Variants in PSD3 observed in about 807,000 individuals in gnomAD.
The protein encoded by PSD3 is PH and SEC7 domain-containing protein 3.
PSD3 carries 49 observed loss-of-function variants against 105.5 expected under a neutral mutation model. The ratio of observed to expected loss-of-function variants is 0.46; its 90% CI spans 0.37 to 0.59. The LOEUF is 0.59. PSD3 is among the 20% of genes least tolerant of loss of function. The pLI, the probability that PSD3 is intolerant of heterozygous loss-of-function variation, is 0.00. For missense variants in PSD3, 1,561 were observed against 1,263.8 expected, an observed-to-expected ratio of 1.24 and a Z score of -3.57; for synonymous variants, 557 against 457.8, an observed-to-expected ratio of 1.22 and a Z score of -2.77.
rs12155635 is a variant in PSD3 at position 18,747,664 on chromosome 8, T to C, written c.2172+17785A>G. ...GATTATGGCTGGATAGTGACAAGAA[T>C]GAGACTGCCACATGGTAAGGAAGGT... On this transcript the variant is annotated intron_variant, in intron 9 of 15. Coordinates refer to ENST00000327040, the MANE Select transcript of PSD3 (RefSeq NM_015310.4). Among the ~76,000 whole-genome samples, 908 of 152,264 alleles carry C rather than the reference T, an allele frequency of 6.0e-3. 8 individuals carry two copies. Among genetic ancestry groups the C allele is most frequent in the Non-Finnish European group, 6.9e-3 (470 of 68,026 alleles).
At chr8:18,888,854 G>C (rs1818601401) in intron 2 of PSD3, among the ~76,000 whole-genome samples, 1 of 152,186 alleles carries the variant, frequency 6.6e-6, no homozygotes, top group East Asian at 1.9e-4. Context: ...AGAGTGGTAA[G>C]CGCCCTTTTG....
chr8:18,612,604 T>C (rs1805348580), intron 11 of PSD3, among the ~76,000 whole-genome samples: 1 of 152,110 alleles, frequency 6.6e-6, no homozygotes, highest in Non-Finnish European at 1.5e-5. Context: ...TCTCCTGACC[T>C]CGTGATCCGC....
chr8:18,946,463 C>T (rs1822860749), intron 1 of PSD3, among the ~76,000 whole-genome samples: 1 of 152,130 alleles, frequency 6.6e-6, no homozygotes, highest in South Asian at 2.1e-4. Context: ...CACCCATAGT[C>T]CCTACTACTC....
chr8:19,071,834 C>T lies in PSD3; in HGVS notation c.324+12372G>A, dbSNP rs189506738. ...AAGAGATTCTCCTGCCTCACCCTCC[C>T]GAGTATCTGGGATTACAGGCACCTG... On this transcript the variant is annotated intron_variant, in intron 1 of 1. Transcript: ENST00000521475. 2.8e-3 allele frequency among the ~76,000 whole-genome samples: 420 copies of T among 152,172 alleles called. 2 individuals carry two copies. The highest frequency in any genetic ancestry group is 9.1e-3 in the African/African-American group (376 of 41,518).
intron 4 of PSD3, among the ~76,000 whole-genome samples, chr8:18,821,557 T>A (rs756879708): frequency 2.2e-4 from 33 of 151,924 alleles, no homozygotes; most frequent in Non-Finnish European, 4.0e-4. Flanking sequence ...CTAACAAAAC[T>A]GAATAATATT....
chr8:18,907,781 G>A (rs536505530), intron 2 of PSD3, among the ~76,000 whole-genome samples: 1 of 152,258 alleles, frequency 6.6e-6, no homozygotes, highest in African/African-American at 2.4e-5. Context: ...TAACAACCCC[G>A]TGAATACAAC....
rs67190463 is a variant in PSD3, at chr8:18,743,921, T to C, written c.2172+21528A>G. ...AGTGAGATATGGTTGCATCGCTATATTGCACTCCAGCCTGGGTGAAAGTGC... is the reference window on the plus strand; with the variant it reads ...AGTGAGATATGGTTGCATCGCTATACTGCACTCCAGCCTGGGTGAAAGTGC... On this transcript the variant is annotated intron_variant, in intron 9 of 15. Transcript: ENST00000327040. 3.6e-4 allele frequency among the ~76,000 whole-genome samples: 54 copies of C among 151,138 alleles called. 1 individual carries two copies. Among genetic ancestry groups the C allele is most frequent in the African/African-American group, 1.2e-3 (49 of 40,984 alleles).
At chr8:18,667,466 T>A (rs1230039531) in intron 9 of PSD3, among the ~76,000 whole-genome samples, 6 of 152,168 alleles carry the variant, frequency 3.9e-5, no homozygotes, top group Non-Finnish European at 8.8e-5. Context: ...ATTCTCCAAG[T>A]CCCCACCAGA....
rs73593565 is a variant in PSD3, at chr8:18,750,061, T to C, written c.2172+15388A>G. Among the ~76,000 whole-genome samples, 873 of 152,292 alleles carry C rather than the reference T, an allele frequency of 5.7e-3. 12 individuals carry two copies. The highest frequency in any genetic ancestry group is 0.02 in the South Asian group (95 of 4,822). ...GAACGATGAGATAATGATCAATCTG[T>C]GTTGTTTCAAGCCACTAAGTTTGTG... On this transcript the variant is annotated intron_variant, in intron 9 of 15. Coordinates refer to ENST00000327040, the MANE Select transcript of PSD3 (RefSeq NM_015310.4).
rs945908586 is a variant in PSD3 at position 18,799,292 on chromosome 8, T to A, written c.2082+3A>T. 1 of 1,598,132 alleles carries A rather than the reference T, an allele frequency of 6.3e-7. No homozygotes were observed. Among genetic ancestry groups the A allele is most frequent in the Non-Finnish European group, 8.6e-7 (1 of 1,165,722 alleles). ...GATCTAAGTTTCACAAATCCACACT[T>A]ACGTGGCCATGTAGATCGGTATTAA... On this transcript the variant is annotated splice_donor_region_variant and intron_variant, in intron 8 of 15. Transcript: ENST00000327040.
rs371086708 is a variant in PSD3 at position 18,978,833 on chromosome 8, T to G, written c.21+34730A>C. Among the ~76,000 whole-genome samples the G allele has an allele frequency of 8.5e-5, 13 of 152,218 alleles. No individual in the cohort carries two copies. In the South Asian group the frequency reaches 1.5e-3, roughly 17 times the overall value. On this transcript the variant is annotated intron_variant, in intron 1 of 15. Transcript: ENST00000327040. ...TCAATGACAATGACTCATTCTCTCT[T>G]TCAACCTCTCTCCCTTCCTCTCTCC... is the stretch of plus-strand genomic sequence containing the variant.
intron 1 of PSD3, among the ~76,000 whole-genome samples, chr8:18,980,568 T>C (rs2129472728): frequency 6.6e-6 from 1 of 152,312 alleles, no homozygotes; most frequent in East Asian, 1.9e-4. Flanking sequence ...GGTTTACATC[T>C]ACCATCTTAT....
At chr8:18,801,992 C>G (rs1281418377) in intron 6 of PSD3, among the ~76,000 whole-genome samples, 1 of 152,072 alleles carries the variant, frequency 6.6e-6, no homozygotes, top group Non-Finnish European at 1.5e-5. Flanking sequence ...GCTTAAGACT[C>G]AATACATCAT....
intron 1 of PSD3, among the ~76,000 whole-genome samples, chr8:18,995,880 T>A (rs922612994): frequency 3.3e-5 from 5 of 151,646 alleles, no homozygotes; most frequent in Non-Finnish European, 7.4e-5. Context: ...CCATGACACG[T>A]GGGGATTATG....
At chr8:18,876,512 G>C (rs949859004) in intron 2 of PSD3, among the ~76,000 whole-genome samples, 3 of 152,050 alleles carry the variant, frequency 2.0e-5, no homozygotes, top group Non-Finnish European at 4.4e-5. Context: ...TCAGCCTCCT[G>C]AGTAGCTGGG....
chr8:18,802,100 GC>G (rs1810749670), intron 6 of PSD3, among the ~76,000 whole-genome samples: 1 of 152,086 alleles, frequency 6.6e-6, no homozygotes, highest in South Asian at 2.1e-4. Flanking sequence ...GGATTGCATT[GC>G]TTTGTGCACA....
At chr8:18,858,593 C>T (rs527779963) in intron 4 of PSD3, among the ~76,000 whole-genome samples, 1 of 152,250 alleles carries the variant, frequency 6.6e-6, no homozygotes, top group South Asian at 2.1e-4. Context: ...CCTCTCAAAC[C>T]TTGCCACTGC....
chr8:18,608,119 C>T (rs541072338), intron 11 of PSD3, among the ~76,000 whole-genome samples: 26 of 152,298 alleles, frequency 1.7e-4, no homozygotes, highest in Admixed American at 1.6e-3. Flanking sequence ...ACTTGGGAGG[C>T]TGAAGTAGGA....
At chr8:18,567,981 A>G (rs1200587547) in intron 14 of PSD3, among the ~76,000 whole-genome samples, 1 of 152,188 alleles carries the variant, frequency 6.6e-6, no homozygotes, top group Non-Finnish European at 1.5e-5. Context: ...TATTAGTTCA[A>G]GTGAAAGTGG....
Sources: gnomAD v4.1 joint callset for allele counts (sites outside exome capture counted in the v4.1 genomes callset) on GRCh38, gnomAD v4.1.1 for gene constraint, MANE v1.5 for transcripts, NCBI Gene and HGNC (gene_info 2026-07-23, HGNC 2026-07-21) for gene names.